COMP: variants seen among roughly 807,000 people sequenced by gnomAD.
The protein encoded by COMP is cartilage oligomeric matrix protein (pseudoachondroplasia, epiphyseal dysplasia 1, multiple).
A neutral mutation model predicts 95.8 loss-of-function variants in COMP; 79 were observed. The ratio of observed to expected loss-of-function variants is 0.82; its 90% CI spans 0.69 to 0.99. The LOEUF is 0.99. Among genes scored for constraint, COMP ranks in the 50% least tolerant of loss-of-function variants. The probability of loss-of-function intolerance (pLI) is 0.00; values close to 1 mark genes in which losing one functional copy is unlikely to be tolerated. For synonymous variants in COMP, 438 were observed against 433.9 expected, an observed-to-expected ratio of 1.01 and a Z score of -0.12; for missense variants, 906 against 1,076.1, an observed-to-expected ratio of 0.84 and a Z score of 2.21.
In COMP at chr19:18,782,841, T is replaced by C; in HGVS notation, c.*74A>G. On this transcript the variant is annotated 3_prime_UTR_variant, in exon 19 of 19. Coordinates refer to ENST00000222271, the MANE Select transcript of COMP (RefSeq NM_000095.3). ...ACTTCCCCCTCAGGACGGCCACCCCTTGGGGCTGGGTGCAGAGCCCCCATC... is the reference window on the plus strand; with the variant it reads ...ACTTCCCCCTCAGGACGGCCACCCCCTGGGGCTGGGTGCAGAGCCCCCATC... 7.1e-6 allele frequency: 11 copies of C among 1,553,984 alleles called. No individual in the cohort carries two copies. The highest frequency in any genetic ancestry group is 9.7e-6 in the Non-Finnish European group (11 of 1,136,554).
chr19:18,789,190 C>T lies in COMP; in HGVS notation c.498G>A (p.Val166=). The change falls in exon 5 of 19, where the codon GTG becomes GTA. Residue 166 remains valine, a synonymous_variant. Transcript: ENST00000222271. This position sits in a 1 kb window ranked among gnomAD's most constrained non-coding sequence, Gnocchi z 6.1. ...TGTTGGCCTTGGCGAAAGCCAGCCC[C>T]ACGCCCTGGTGGGTGGGGCCGCTGT... is the stretch of plus-strand genomic sequence containing the variant. ...PGYSGPTHQG[V]GLAFAKANKQ... is the part of the protein sequence containing the mutation. 1 of 1,571,042 alleles carries T rather than the reference C, an allele frequency of 6.4e-7. No individual in the cohort carries two copies. Among genetic ancestry groups the T allele is most frequent in the Non-Finnish European group, 8.6e-7 (1 of 1,164,538 alleles).
Position 18,788,499 on chromosome 19 carries a change from C to T in COMP, c.778G>A (p.Ala260Thr), listed in dbSNP as rs1363287208. Residue 260 changes from alanine to threonine, a missense_variant, in exon 8 of 19, where the codon GCC (alanine) becomes ACC (threonine). Physicochemically the swap from Ala to Thr is moderately conservative, Grantham distance 58. Transcript: ENST00000222271. This position sits in a 1 kb window ranked among gnomAD's most constrained non-coding sequence, Gnocchi z 4.7. ...SRSCVCAVGWAGNGILCGRDT... is the reference protein window; with the variant it reads ...SRSCVCAVGWTGNGILCGRDT... ...CGACCACAGAGGATCCCGTTGCCGG[C>T]CCAGCCAACGGCACACTGTGGGAGA... 3 of 1,607,764 alleles carry T rather than the reference C, an allele frequency of 1.9e-6. No homozygotes were observed. The highest frequency in any genetic ancestry group is 2.5e-6 in the Non-Finnish European group (3 of 1,177,818).
In COMP at chr19:18,789,005, C is replaced by G. The variant is rs1485511319; in HGVS notation, c.529-92G>C. 4 of 1,552,660 alleles carry G rather than the reference C, an allele frequency of 2.6e-6. No individual in the cohort carries two copies. Among genetic ancestry groups the G allele is most frequent in the Non-Finnish European group, 3.5e-6 (4 of 1,140,054 alleles). On this transcript the variant is annotated intron_variant, in intron 5 of 18. Transcript: ENST00000222271. The surrounding 1 kb of genome is among the most constrained non-coding windows in gnomAD (Gnocchi z 6.1). ...ACTTCCTCCGCATCCTGCCTCTCCC[C>G]TCCATCCTGCCCCAAACCGATCAGC...
chr19:18,787,866 C>CTT lies in COMP; in HGVS notation c.976-218_976-217dup, dbSNP rs1568555757. On this transcript the variant is annotated intron_variant, in intron 9 of 18. Transcript: ENST00000222271. ...TTTTCTTTTTTCTTTTTCTTTTTCT[C>CTT]TTTCTTTCTTTCTTTCTTTCTTTCT... is the stretch of plus-strand genomic sequence containing the variant. 0.14 allele frequency among the ~76,000 whole-genome samples: 13,562 copies of CTT among 96,662 alleles called. 1,239 individuals carry two copies. The highest frequency in any genetic ancestry group is 0.16 in the Non-Finnish European group (7,295 of 45,004). The allele number at this position is 96,662 out of a possible 152,430, so 63.4% of individuals were successfully genotyped here.
chr19:18,790,778 C>T (rs904069904), intron 2 of COMP, 72 bp downstream of exon 2: 75 of 1,582,512 alleles, frequency 4.7e-5, no homozygotes, highest in Middle Eastern at 1.7e-4. Flanking sequence ...CGGGTACTTC[C>T]TCTCTCCTCG....
chr19:18,788,410 C>T lies in COMP; in HGVS notation c.867G>A (p.Lys289=), dbSNP rs934112605. 2.4e-5 allele frequency: 38 copies of T among 1,608,672 alleles called. No individual in the cohort carries two copies. Among genetic ancestry groups the T allele is most frequent in the Non-Finnish European group, 3.1e-5 (37 of 1,178,846 alleles). ...KLRCPERQCR[K]DNCVTVPNSG... is the part of the protein sequence containing the mutation. The stretch of plus-strand genomic sequence containing the variant: ...CCCGCCCCGCTCCGCCCCCACCCAC[C>T]TTACGGCACTGGCGCTCCGGGCAGC... Residue 289 remains lysine, a splice_region_variant and synonymous_variant, in exon 8 of 19, where the codon AAG becomes AAA. Coordinates refer to ENST00000222271, the MANE Select transcript of COMP (RefSeq NM_000095.3). The surrounding 1 kb of genome is among the most constrained non-coding windows in gnomAD (Gnocchi z 4.7).
Position 18,788,061 on chromosome 19 carries a change from G to T in COMP, c.975+151C>A, listed in dbSNP as rs1158651328. ...TGGGATTACAGGCGTGCACCACCACGCCCCGCTAATTTTTGTATTTTTAGT... is the reference window on the plus strand; with the variant it reads ...TGGGATTACAGGCGTGCACCACCACTCCCCGCTAATTTTTGTATTTTTAGT... On this transcript the variant is annotated intron_variant, in intron 9 of 18. Coordinates refer to ENST00000222271, the MANE Select transcript of COMP (RefSeq NM_000095.3). This position sits in a 1 kb window ranked among gnomAD's most constrained non-coding sequence, Gnocchi z 4.7. The T allele has an allele frequency of 2.9e-6, 2 of 701,498 alleles. No homozygotes were observed. The highest frequency in any genetic ancestry group is 5.0e-6 in the Non-Finnish European group (2 of 403,636). 43.5% of individuals were successfully genotyped at this position (701,498 alleles called of 1,614,324 possible).
chr19:18,787,736 T>C (rs1568555639), intron 9 of COMP, 86 bp from the exon 10 acceptor site: 1 of 1,576,942 alleles, frequency 6.3e-7, no homozygotes, highest in African/African-American at 1.3e-5. Flanking sequence ...CGAGGACGCG[T>C]CTCCTCCTCA....
rs1248922440 is a variant in COMP at position 18,789,604 on chromosome 19, G to T, written c.391-307C>A. On this transcript the variant is annotated intron_variant, in intron 4 of 18. Coordinates refer to ENST00000222271, the MANE Select transcript of COMP (RefSeq NM_000095.3). The surrounding 1 kb of genome is among the most constrained non-coding windows in gnomAD (Gnocchi z 6.1). ...CCCGGCGGTGGCGGGGGGTCTGGGC[G>T]TGCGTTCCCTGGCTGTGGAAGGGTC... Among the ~76,000 whole-genome samples the T allele has an allele frequency of 2.0e-5, 3 of 151,800 alleles. No individual in the cohort carries two copies. The highest frequency in any genetic ancestry group is 4.4e-5 in the Non-Finnish European group (3 of 67,934).
rs2055152063 is a variant in COMP, at chr19:18,784,633, T to C, written c.1914+263A>G. On this transcript the variant is annotated intron_variant, in intron 16 of 18. Transcript: ENST00000222271. This position sits in a 1 kb window ranked among gnomAD's most constrained non-coding sequence, Gnocchi z 4.9. ...GGATGGGGGGCTCTGCAGAAGGACT[T>C]GGAAACTAAGGAAAAGTTTAGGGCT... is the stretch of plus-strand genomic sequence containing the variant. 2.0e-5 allele frequency among the ~76,000 whole-genome samples: 3 copies of C among 151,892 alleles called. No individual in the cohort carries two copies. The highest frequency in any genetic ancestry group is 6.6e-5 in the Admixed American group (1 of 15,246).
chr19:18,783,627 GAGAC>G (rs1246879336), intron 17 of COMP, among the ~76,000 whole-genome samples: 1 of 96,242 alleles, frequency 1.0e-5, no homozygotes, highest in Non-Finnish European at 2.1e-5. Context: ...TTTTTTTTTT[GAGAC>G]AGAGTCTCAC....
Position 18,784,006 on chromosome 19 carries a change from A to G in COMP, c.2087+185T>C, listed in dbSNP as rs561081758. On this transcript the variant is annotated intron_variant, in intron 17 of 18. Coordinates refer to ENST00000222271, the MANE Select transcript of COMP (RefSeq NM_000095.3). The surrounding 1 kb of genome is among the most constrained non-coding windows in gnomAD (Gnocchi z 4.9). ...GCGATCCTCCCATCTTGGCTTTCCAAAGTGATGGGGTTACAGGTGTGAGCC... is the reference window on the plus strand; with the variant it reads ...GCGATCCTCCCATCTTGGCTTTCCAGAGTGATGGGGTTACAGGTGTGAGCC... 6.6e-6 allele frequency among the ~76,000 whole-genome samples: 1 copy of G among 152,230 alleles called. No individual in the cohort carries two copies. Among genetic ancestry groups the G allele is most frequent in the Non-Finnish European group, 1.5e-5 (1 of 67,998 alleles).
rs1475322123 is a variant in COMP, at chr19:18,790,091, C to G, written c.241G>C (p.Gly81Arg). The G allele has an allele frequency of 1.0e-5, 16 of 1,539,292 alleles. No individual in the cohort carries two copies. The South Asian group carries it at 1.1e-4, about 10-fold the overall frequency. The stretch of plus-strand genomic sequence containing the variant: ...AGCAGGGGCCGCACGCTGGGTAGGC[C>G]GGTGCGTACTGACTGCTGCATCCCT... ...ACGMQQSVRT[G>R]LPSVRPLLHC... is the part of the protein sequence containing the mutation. Residue 81 changes from glycine (G) to arginine (R), a missense_variant, in exon 4 of 19, where the codon GGC becomes CGC. Transcript: ENST00000222271.
chr19:18,786,922 G>A lies in COMP; in HGVS notation c.1136-272C>T, dbSNP rs371403335. ...CGAGTAGCTGGGATTACAGGTGTGCGCCACCACGCCCAGCAAATTTTTGTA... is the reference window on the plus strand; with the variant it reads ...CGAGTAGCTGGGATTACAGGTGTGCACCACCACGCCCAGCAAATTTTTGTA... On this transcript the variant is annotated intron_variant, in intron 10 of 18. Coordinates refer to ENST00000222271, the MANE Select transcript of COMP (RefSeq NM_000095.3). 517 of 394,206 alleles carry A rather than the reference G, an allele frequency of 1.3e-3. 3 individuals are homozygous for A. The highest frequency in any genetic ancestry group is 8.0e-4 in the Middle Eastern group (1 of 1,250). 24.4% of individuals were successfully genotyped at this position (394,206 alleles called of 1,614,324 possible).
rs757251084 is a variant in COMP at position 18,785,584 on chromosome 19, G to C, written c.1669-38C>G. On this transcript the variant is annotated intron_variant, in intron 14 of 18. Coordinates refer to ENST00000222271, the MANE Select transcript of COMP (RefSeq NM_000095.3). ...AAGAAAGGAGGGCCTCAGGCTGGCC[G>C]TGACAGCCCTAGGCACCCTGTCCTC... is the stretch of plus-strand genomic sequence containing the variant. 28 of 1,613,722 alleles carry C rather than the reference G, an allele frequency of 1.7e-5. No individual in the cohort carries two copies. The South Asian group carries it at 2.3e-4, about 13-fold the overall frequency.
intron 10 of COMP, 97 bp from the exon 11 acceptor site, chr19:18,786,747 C>T: frequency 1.6e-6 from 1 of 623,486 alleles, no homozygotes; most frequent in Non-Finnish European, 2.8e-6. Flanking sequence ...GGAACAGAGT[C>T]CCAACTTCAT....
At position 18,789,802 on chromosome 19, in the gene COMP, T is replaced by A. The variant is rs1337934404; in HGVS notation, c.390+140A>T. On this transcript the variant is annotated intron_variant, in intron 4 of 18. Transcript: ENST00000222271. The surrounding 1 kb of genome is among the most constrained non-coding windows in gnomAD (Gnocchi z 6.1). ...TGGGCGTCCCCCCGCGGTAAGGAGG[T>A]AGTCTGGCCGTGCGCCCCCGGAGGT... The A allele has an allele frequency of 4.6e-6, 5 of 1,083,484 alleles. No individual in the cohort carries two copies. Among genetic ancestry groups the A allele is most frequent in the Non-Finnish European group, 6.8e-6 (5 of 737,630 alleles). The allele number at this position is 1,083,484 out of a possible 1,614,324, so 67.1% of individuals were successfully genotyped here.
intron 11 of COMP, 94 bp downstream of exon 11, chr19:18,786,438 A>C: frequency 6.6e-7 from 1 of 1,518,870 alleles, no homozygotes; most frequent in Non-Finnish European, 9.1e-7. Context: ...TTTCTCTGGC[A>C]GTGTAAAATG....
At chr19:18,790,433 G>T in intron 3 of COMP, 129 bp downstream of exon 3, 1 of 1,204,520 alleles carries the variant, frequency 8.3e-7, no homozygotes, top group Non-Finnish European at 1.2e-6. Context: ...CCGTTCGTCC[G>T]TCCACCTCTC....
Sources: gnomAD v4.1 joint callset for allele counts (sites outside exome capture counted in the v4.1 genomes callset) on GRCh38, gnomAD v4.1.1 for gene constraint, Gnocchi (gnomAD v3.1) non-coding constraint, MANE v1.5 for transcripts, NCBI Gene and HGNC (gene_info 2026-07-23, HGNC 2026-07-21) for gene names.